The following CD163L1 variants were observed in gnomAD, a reference collection of about 807,000 sequenced individuals.
The protein encoded by CD163L1 is CD163 molecule like 1.
CD163L1 carries 124 observed loss-of-function variants against 165.4 expected under a neutral mutation model. The ratio of observed to expected loss-of-function variants is 0.75; its 90% CI spans 0.65 to 0.87. The LOEUF is 0.87. Ranked by LOEUF, CD163L1 falls within the 40% of genes least tolerant of loss-of-function variation. CD163L1 has a pLI of 0.00. For missense variants in CD163L1, 1,525 were observed against 1,799.9 expected, an observed-to-expected ratio of 0.85 and a Z score of 2.76; for synonymous variants, 585 against 662.2, an observed-to-expected ratio of 0.88 and a Z score of 1.79.
intron 8 of CD163L1, among the ~76,000 whole-genome samples, chr12:7,382,897 C>T (rs764671588): frequency 3.8e-4 from 58 of 152,308 alleles, no homozygotes; most frequent in Admixed American, 3.7e-3. Context: ...GGCAGTGTGT[C>T]TAGGTCCCCA....
rs1392918671 is a variant in CD163L1, at chr12:7,438,801, A to G, written c.124+2353T>C. On this transcript the variant is annotated intron_variant, in intron 2 of 19. Transcript: ENST00000313599. The stretch of plus-strand genomic sequence containing the variant: ...ACCTCCTCGGCTGAGTCCATGGACC[A>G]GAGGCCTCTCTCTTCCCCGCTCAAC... The G allele has an allele frequency of 7.3e-6, 11 of 1,513,560 alleles. 1 individual carries two copies. Among genetic ancestry groups the G allele is most frequent in the Non-Finnish European group, 9.9e-6 (11 of 1,108,394 alleles). The allele number at this position is 1,513,560 out of a possible 1,614,324, so 93.8% of individuals were successfully genotyped here.
intron 8 of CD163L1, among the ~76,000 whole-genome samples, chr12:7,389,428 A>G (rs981203280): frequency 6.6e-6 from 1 of 152,206 alleles, no homozygotes; most frequent in African/African-American, 2.4e-5. Flanking sequence ...CAAACATCGC[A>G]TGCTCTCACT....
chr12:7,374,647 G>T lies in CD163L1; in HGVS notation c.3204C>A (p.Ser1068Arg). The T allele has an allele frequency of 6.2e-7, 1 of 1,614,228 alleles. No homozygotes were observed. The highest frequency in any genetic ancestry group is 8.5e-7 in the Non-Finnish European group (1 of 1,180,046). Residue 1068 changes from serine (S) to arginine (R), a missense_variant, in exon 13 of 20, where the codon AGC (serine) becomes AGA (arginine). Ser to Arg is a moderately radical substitution (Grantham distance 110, BLOSUM62 -1). Transcript: ENST00000313599. The surrounding 1 kb of genome is among the most constrained non-coding windows in gnomAD (Gnocchi z 5.4). ...GTICDDGWDL[S>R]DAHVVCQKLG... ...GCTTTTGACACACCACGTGGGCATC[G>T]CTCAGGTCCCAGCCGTCATCACAGA... is the stretch of plus-strand genomic sequence containing the variant.
At chr12:7,395,509 G>C (rs1947753783) in intron 8 of CD163L1, among the ~76,000 whole-genome samples, 1 of 151,958 alleles carries the variant, frequency 6.6e-6, no homozygotes, top group South Asian at 2.1e-4. Flanking sequence ...CAAGTTGATG[G>C]GTGCAGCAAA....
intron 5 of CD163L1, among the ~76,000 whole-genome samples, chr12:7,404,880 A>C (rs1259575363): frequency 6.6e-6 from 1 of 152,168 alleles, no homozygotes; most frequent in Non-Finnish European, 1.5e-5. Flanking sequence ...TCATGATATA[A>C]GAAATCTGCA....
intron 18 of CD163L1, among the ~76,000 whole-genome samples, chr12:7,358,014 G>A (rs1268595947): frequency 6.6e-6 from 1 of 152,068 alleles, no homozygotes; most frequent in Non-Finnish European, 1.5e-5. Flanking sequence ...AAGCTTGGGA[G>A]TCATTACTCC....
At chr12:7,349,882 T>C (rs1240717567) in intron 4 of CD163L1, among the ~76,000 whole-genome samples, 2 of 152,144 alleles carry the variant, frequency 1.3e-5, no homozygotes, top group African/African-American at 2.4e-5. Flanking sequence ...TGATAGTATA[T>C]CTCATACTCT....
intron 4 of CD163L1, among the ~76,000 whole-genome samples, chr12:7,412,611 T>C (rs779540946): frequency 6.6e-6 from 1 of 151,774 alleles, no homozygotes; most frequent in East Asian, 1.9e-4. Context: ...TTGCACACTA[T>C]CTGGAGAGTA....
At chr12:7,438,082 G>A (rs1948763696) in intron 2 of CD163L1, among the ~76,000 whole-genome samples, 1 of 151,902 alleles carries the variant, frequency 6.6e-6, no homozygotes, top group Non-Finnish European at 1.5e-5. Context: ...ATTTATGTAG[G>A]GTTTTTCTTC....
Position 7,368,212 on chromosome 12 carries a change from A to T in CD163L1, c.4073-15T>A, listed in dbSNP as rs189181460. 7.1e-7 allele frequency: 1 copy of T among 1,400,012 alleles called. No individual in the cohort carries two copies. The highest frequency in any genetic ancestry group is 1.7e-5 in the Admixed American group (1 of 58,788). 86.7% of individuals were successfully genotyped at this position (1,400,012 alleles called of 1,614,324 possible). A position where few individuals can be genotyped will look rare whatever the true frequency, so the allele number is the denominator to read the frequency against. The stretch of plus-strand genomic sequence containing the variant: ...TGCTAAATGACCTGTATAGAAATTA[A>T]GCATTGATAAGTATTAAACTAGTAG... On this transcript the variant is annotated splice_polypyrimidine_tract_variant and intron_variant, in intron 16 of 19. Transcript: ENST00000313599. This position sits in a 1 kb window ranked among gnomAD's most constrained non-coding sequence, Gnocchi z 4.3.
chr12:7,421,258 A>C (rs1259171195), intron 4 of CD163L1, among the ~76,000 whole-genome samples: 1 of 125,506 alleles, frequency 8.0e-6, no homozygotes, highest in Non-Finnish European at 1.6e-5. Context: ...ATATATATGT[A>C]TATATCTTCC....
the CD163L1 span, among the ~76,000 whole-genome samples, chr12:7,330,651 C>G: frequency 6.6e-6 from 1 of 152,188 alleles, no homozygotes; most frequent in Non-Finnish European, 1.5e-5. Context: ...CTCATCCAGT[C>G]ATACACTAGC....
chr12:7,392,976 C>T (rs905010602), intron 8 of CD163L1, among the ~76,000 whole-genome samples: 7 of 151,994 alleles, frequency 4.6e-5, no homozygotes, highest in East Asian at 1.9e-4. Context: ...GATTCAGAGC[C>T]GAATTCTACC....
intron 5 of CD163L1, among the ~76,000 whole-genome samples, chr12:7,404,932 G>A (rs1947987634): frequency 6.6e-6 from 1 of 152,022 alleles, no homozygotes; most frequent in African/African-American, 2.4e-5. Flanking sequence ...ATTATCAAGT[G>A]ACAGATTTTA....
At chr12:7,396,521 A>G (rs1292164026) in intron 7 of CD163L1, 106 bp from the exon 8 acceptor site, 5 of 1,066,920 alleles carry the variant, frequency 4.7e-6, no homozygotes, top group South Asian at 1.7e-5. Context: ...ACACCAGTCT[A>G]GATGGTGCTG....
intron 4 of CD163L1, among the ~76,000 whole-genome samples, chr12:7,415,405 G>A (rs892590964): frequency 6.6e-6 from 1 of 152,014 alleles, no homozygotes; most frequent in Non-Finnish European, 1.5e-5. Flanking sequence ...GGGAAAAATA[G>A]AAAGACTATA....
the CD163L1 span, chr12:7,320,804 G>A: frequency 6.2e-7 from 1 of 1,610,556 alleles, no homozygotes; most frequent in Admixed American, 1.7e-5. Context: ...GACCTTAAGA[G>A]GTACTTGGGC....
the CD163L1 span, chr12:7,322,319 C>T: frequency 1.3e-6 from 2 of 1,537,110 alleles, no homozygotes; most frequent in Non-Finnish European, 1.8e-6. Context: ...AGACTTGCCT[C>T]TCCTAGCTGC....
At chr12:7,385,304 A>T (rs1947493210) in intron 8 of CD163L1, among the ~76,000 whole-genome samples, 1 of 151,978 alleles carries the variant, frequency 6.6e-6, no homozygotes, top group Non-Finnish European at 1.5e-5. Flanking sequence ...ATTTATTAAG[A>T]GGCTATAACA....
Sources: allele counts gnomAD v4.1 joint callset (sites outside exome capture counted in the v4.1 genomes callset), GRCh38; gene constraint gnomAD v4.1.1; non-coding constraint Gnocchi (gnomAD v3.1); transcripts MANE v1.5; gene names NCBI Gene and HGNC (gene_info 2026-07-23, HGNC 2026-07-21).